The following ZFHX3 variants were observed in gnomAD, a reference collection of about 807,000 sequenced individuals.
The protein encoded by ZFHX3 is zinc finger homeobox protein 3.
Under a neutral mutation model 279.1 loss-of-function variants are expected in ZFHX3, and 42 were observed. The observed-to-expected ratio is 0.15, with a 90% confidence interval of 0.12 to 0.19. The LOEUF (loss-of-function observed/expected upper bound fraction) is 0.19, where lower values mean the gene tolerates loss of function less well. Ranked by LOEUF, ZFHX3 falls within the 10% of genes least tolerant of loss-of-function variation. The probability of loss-of-function intolerance (pLI) is 1.00; values close to 1 mark genes in which losing one functional copy is unlikely to be tolerated. For synonymous variants in ZFHX3, 2,293 were observed against 1,957.8 expected (o/e 1.17, Z -4.52); for missense variants, 4,981 against 4,754.0 (o/e 1.05, Z -1.40).
intron 2 of ZFHX3, among the ~76,000 whole-genome samples, chr16:73,626,719 T>C (rs942047588): frequency 1.3e-5 from 2 of 152,210 alleles, no homozygotes; most frequent in African/African-American, 4.8e-5. Context: ...TGAGGCTTCC[T>C]TGAAGACTCA....
At chr16:72,941,959 C>T (rs1029914594) in intron 3 of ZFHX3, among the ~76,000 whole-genome samples, 5 of 152,178 alleles carry the variant, frequency 3.3e-5, no homozygotes, top group Non-Finnish European at 7.3e-5. Context: ...CCTTTCCCAC[C>T]CTACACTTAC....
intron 2 of ZFHX3, among the ~76,000 whole-genome samples, chr16:73,518,698 GA>G (rs892214835): frequency 6.6e-6 from 1 of 151,862 alleles, no homozygotes; most frequent in Non-Finnish European, 1.5e-5. Flanking sequence ...TTTGCCGAAA[GA>G]AAAAAAAGAA....
intron 3 of ZFHX3, among the ~76,000 whole-genome samples, chr16:72,906,674 C>T (rs1006249857): frequency 2.0e-5 from 3 of 152,064 alleles, no homozygotes; most frequent in African/African-American, 4.8e-5. Flanking sequence ...GGCACGCGCC[C>T]GCAGTCCCAA....
At chr16:73,818,184 G>T (rs1483947133) in intron 1 of ZFHX3, among the ~76,000 whole-genome samples, 1 of 152,094 alleles carries the variant, frequency 6.6e-6, no homozygotes, top group African/African-American at 2.4e-5. Flanking sequence ...AACAAATATT[G>T]ATTTATTTTA....
intron 4 of ZFHX3, among the ~76,000 whole-genome samples, chr16:72,881,303 A>C (rs548633708): frequency 6.6e-6 from 1 of 152,046 alleles, no homozygotes; most frequent in Non-Finnish European, 1.5e-5. Flanking sequence ...GGCTCTCAGG[A>C]GACCAGAAAG....
At chr16:72,986,426 G>C (rs1007288941) in intron 1 of ZFHX3, among the ~76,000 whole-genome samples, 5 of 152,194 alleles carry the variant, frequency 3.3e-5, no homozygotes, top group Non-Finnish European at 5.9e-5. Flanking sequence ...GAACTTGGTG[G>C]CCATGAAGCT....
chr16:72,800,961 T>C (rs1015076114), intron 7 of ZFHX3, among the ~76,000 whole-genome samples: 3 of 152,244 alleles, frequency 2.0e-5, no homozygotes, highest in Admixed American at 1.3e-4. Flanking sequence ...GAGCCTCAGA[T>C]ATTTCTCTAG....
intron 3 of ZFHX3, among the ~76,000 whole-genome samples, chr16:73,447,483 G>A (rs993561398): frequency 6.6e-6 from 1 of 152,152 alleles, no homozygotes; most frequent in Non-Finnish European, 1.5e-5. Flanking sequence ...GCCAAGGGGT[G>A]TATAGGCATC....
At chr16:73,416,391 G>T (rs960296910) in intron 3 of ZFHX3, among the ~76,000 whole-genome samples, 1 of 152,172 alleles carries the variant, frequency 6.6e-6, no homozygotes, top group South Asian at 2.1e-4. Flanking sequence ...CAGCCCAAAG[G>T]TTGTGGGAGT....
chr16:73,749,670 A>G (rs1031965752), intron 1 of ZFHX3, among the ~76,000 whole-genome samples: 15 of 152,208 alleles, frequency 9.9e-5, no homozygotes, highest in African/African-American at 3.4e-4. Context: ...GGAGTGTCCC[A>G]GGGAAGAGAA....
intron 3 of ZFHX3, among the ~76,000 whole-genome samples, chr16:73,423,521 G>C (rs954790014): frequency 2.0e-5 from 3 of 152,246 alleles, no homozygotes; most frequent in East Asian, 1.9e-4. Flanking sequence ...TGTCCCAATG[G>C]AAGGAAAGCC....
intron 1 of ZFHX3, among the ~76,000 whole-genome samples, chr16:72,962,703 A>C (rs1312273149): frequency 6.6e-6 from 1 of 152,054 alleles, no homozygotes; most frequent in African/African-American, 2.4e-5. Flanking sequence ...GCATTTTCAC[A>C]CCATCCTCAG....
chr16:73,364,175 CAA>C (rs11301710), intron 3 of ZFHX3, among the ~76,000 whole-genome samples: 227 of 142,154 alleles, frequency 1.6e-3, no homozygotes, highest in Non-Finnish European at 1.3e-3. Context: ...GACCCTGTTT[CAA>C]AAAAAAAAAA....
intron 1 of ZFHX3, among the ~76,000 whole-genome samples, chr16:73,724,546 T>C (rs1448138342): frequency 6.6e-6 from 1 of 152,232 alleles, no homozygotes; most frequent in East Asian, 1.9e-4. Context: ...TTTTGTTATT[T>C]GCCCAGCCTT....
chr16:73,055,262 C>T (rs1387942552), intron 1 of ZFHX3, among the ~76,000 whole-genome samples: 2 of 151,824 alleles, frequency 1.3e-5, no homozygotes, highest in Non-Finnish European at 2.9e-5. Flanking sequence ...TTTTTTCTCC[C>T]CCTCCTCCCG....
chr16:73,028,123 TCTC>T (rs1254577186), intron 1 of ZFHX3, among the ~76,000 whole-genome samples: 1 of 151,780 alleles, frequency 6.6e-6, no homozygotes, highest in Non-Finnish European at 1.5e-5. Flanking sequence ...CCCTGCGGCT[TCTC>T]CTTTTTTTGG....
At chr16:72,873,727 A>C (rs2038224853) in intron 4 of ZFHX3, among the ~76,000 whole-genome samples, 1 of 152,196 alleles carries the variant, frequency 6.6e-6, no homozygotes, top group South Asian at 2.1e-4. Flanking sequence ...GTCCATAATC[A>C]GTGCTGTCTT....
chr16:72,837,152 TC>T (rs1191556538), intron 4 of ZFHX3, among the ~76,000 whole-genome samples: 1 of 152,160 alleles, frequency 6.6e-6, no homozygotes, highest in East Asian at 1.9e-4. Context: ...CAGGTCTCCC[TC>T]CAGGGGCGCC....
chr16:73,770,823 C>T (rs2054009960), intron 1 of ZFHX3, among the ~76,000 whole-genome samples: 1 of 152,194 alleles, frequency 6.6e-6, no homozygotes, highest in South Asian at 2.1e-4. Context: ...ACTTGTTCTC[C>T]AACATAGCTG....
Sources: gnomAD v4.1 joint callset for allele counts (sites outside exome capture counted in the v4.1 genomes callset) on GRCh38, gnomAD v4.1.1 for gene constraint, MANE v1.5 for transcripts, NCBI Gene and HGNC (gene_info 2026-07-23, HGNC 2026-07-21) for gene names.